Variants in POPDC3 observed in about 807,000 individuals in gnomAD.
POPDC3 encodes the protein popeye domain-containing protein 3.
POPDC3 carries 20 observed loss-of-function variants against 28.2 expected under a neutral mutation model. That is an observed-to-expected ratio of 0.71 (90% confidence interval 0.50 to 1.03). The LOEUF is 1.03. Among genes scored for constraint, POPDC3 ranks in the 50% least tolerant of loss-of-function variants. POPDC3 has a pLI of 0.00. For synonymous variants in POPDC3, 118 were observed against 124.1 expected, an observed-to-expected ratio of 0.95 and a Z score of 0.33; for missense variants, 316 against 345.9, an observed-to-expected ratio of 0.91 and a Z score of 0.69.
Position 105,161,440 on chromosome 6 carries a change from A to C in POPDC3, c.470T>G (p.Leu157Trp), listed in dbSNP as rs1265663117. ...AGGTACAAACCTTCCTGAAACAAGC[A>C]AGGAGAGTTTATCAATGGAAGTTTT... ...QGKTSIDKLS[L>W]LVSGRIRVTV... The change falls in exon 2 of 4, where the codon TTG becomes TGG. Residue 157 changes from leucine (L) to tryptophan (W), a missense_variant. By Grantham distance (61) the Leu-to-Trp change is moderately conservative (BLOSUM62 -2). Coordinates refer to ENST00000254765, the MANE Select transcript of POPDC3 (RefSeq NM_022361.5). 1 of 1,613,230 alleles carries C rather than the reference A, an allele frequency of 6.2e-7. No homozygotes were observed. The highest frequency in any genetic ancestry group is 8.5e-7 in the Non-Finnish European group (1 of 1,179,518).
intron 2 of POPDC3, among the ~76,000 whole-genome samples, chr6:105,160,909 G>A (rs548789921): frequency 1.6e-4 from 24 of 152,148 alleles, no homozygotes; most frequent in East Asian, 3.9e-4. Flanking sequence ...GTTAGCCACC[G>A]CACCTGGCCT....
chr6:105,178,559 T>TGAAG (rs138197860), intron 1 of POPDC3: 25 of 147,948 alleles, frequency 1.7e-4, no homozygotes, highest in African/African-American at 8.3e-4. Flanking sequence ...CCCAAACTCC[T>TGAAG]GAAGACACAC....
At position 105,162,057 on chromosome 6, in the gene POPDC3, G is replaced by A; in HGVS notation, c.-148C>T. Reference sequence around the variant, plus strand: ...ACACTGGAGTTGATGCTGATTAAAGGCTTCGTGTGTACGGATCTTGAAAAA... The same window carrying A: ...ACACTGGAGTTGATGCTGATTAAAGACTTCGTGTGTACGGATCTTGAAAAA... On this transcript the variant is annotated 5_prime_UTR_variant, in exon 2 of 4. Coordinates refer to ENST00000254765, the MANE Select transcript of POPDC3 (RefSeq NM_022361.5). 26 of 1,468,782 alleles carry A rather than the reference G, an allele frequency of 1.8e-5. No homozygotes were observed. The South Asian group carries it at 3.2e-4, about 18-fold the overall frequency. The allele number at this position is 1,468,782 out of a possible 1,614,324, so 91.0% of individuals were successfully genotyped here.
chr6:105,160,623 C>T (rs968465680), intron 2 of POPDC3, among the ~76,000 whole-genome samples: 2 of 152,108 alleles, frequency 1.3e-5, no homozygotes, highest in Non-Finnish European at 2.9e-5. Flanking sequence ...GATAGAGTCT[C>T]GTTCTGTTGC....
intron 3 of POPDC3, chr6:105,159,107 C>T: frequency 5.4e-6 from 1 of 184,592 alleles, no homozygotes; most frequent in Non-Finnish European, 1.1e-5. Context: ...GACATTTAAC[C>T]CTAATGCAGT....
chr6:105,178,592 AC>A (rs1774724682), intron 1 of POPDC3: 1 of 196,052 alleles, frequency 5.1e-6, no homozygotes, highest in African/African-American at 2.4e-5. Flanking sequence ...ACACACACAC[AC>A]ACACACACAC....
chr6:105,166,190 A>G (rs1774451581), intron 1 of POPDC3, among the ~76,000 whole-genome samples: 1 of 152,322 alleles, frequency 6.6e-6, no homozygotes, highest in South Asian at 2.1e-4. Context: ...GGACAACATC[A>G]TAAGAGCTCT....
rs1441565450 is a variant in POPDC3, at chr6:105,158,722, T to C, written c.624A>G (p.Arg208=). Residue 208 remains arginine (R), a synonymous_variant, in exon 4 of 4, where the codon CGA becomes CGG. Coordinates refer to ENST00000254765, the MANE Select transcript of POPDC3 (RefSeq NM_022361.5). ...ATTTCTTTCTCCTCCAAGACACATA[T>C]CGACAATCAGTTTCTGCAGTGAGGG... ...QVTLTAETDC[R]YVSWRRKKLY... is the part of the protein sequence containing the mutation. 3.7e-6 allele frequency: 6 copies of C among 1,613,224 alleles called. No homozygotes were observed. In the East Asian group the frequency reaches 1.1e-4, roughly 30 times the overall value.
chr6:105,170,215 A>G (rs914013766), intron 1 of POPDC3, among the ~76,000 whole-genome samples: 2 of 152,202 alleles, frequency 1.3e-5, no homozygotes, highest in African/African-American at 4.8e-5. Flanking sequence ...TTAAAGGCAT[A>G]AGCAGGAAGC....
chr6:105,173,066 T>G (rs1774612168), intron 1 of POPDC3, among the ~76,000 whole-genome samples: 1 of 152,218 alleles, frequency 6.6e-6, no homozygotes, highest in East Asian at 1.9e-4. Context: ...TACTAAATTT[T>G]AAAGAAATGC....
At chr6:105,166,670 C>T (rs934731905) in intron 1 of POPDC3, 9 of 470,950 alleles carry the variant, frequency 1.9e-5, no homozygotes, top group African/African-American at 1.4e-4. Flanking sequence ...TTGCAGCAGC[C>T]TTCCCTGACC....
chr6:105,162,783 C>T (rs1774369458), intron 1 of POPDC3, among the ~76,000 whole-genome samples: 1 of 152,156 alleles, frequency 6.6e-6, no homozygotes, highest in South Asian at 2.1e-4. Flanking sequence ...GATACATGAA[C>T]CAGAATCATT....
chr6:105,179,741 C>G (rs1037648837), intron 1 of POPDC3, 92 bp downstream of exon 1: 1 of 152,220 alleles, frequency 6.6e-6, no homozygotes, highest in African/African-American at 2.4e-5. Flanking sequence ...AGAAGCCGCG[C>G]CCGCTAAGTT....
intron 1 of POPDC3, chr6:105,169,624 C>CT (rs1582995383): frequency 6.6e-6 from 1 of 152,152 alleles, no homozygotes; most frequent in Non-Finnish European, 1.5e-5. Flanking sequence ...AGAATTAACT[C>CT]TATTTCTTCA....
intron 1 of POPDC3, chr6:105,168,620 C>T (rs1425553992): frequency 1.3e-5 from 2 of 152,250 alleles, no homozygotes; most frequent in East Asian, 1.9e-4. Context: ...ATCATTCCCT[C>T]TCCTTCAGTG....
At chr6:105,163,532 A>G (rs936897633) in intron 1 of POPDC3, 1 of 152,220 alleles carries the variant, frequency 6.6e-6, no homozygotes, top group African/African-American at 2.4e-5. Flanking sequence ...TTAGTGTTTT[A>G]TTTTTGAAAT....
chr6:105,166,616 T>C (rs1290773197), intron 1 of POPDC3: 6 of 471,188 alleles, frequency 1.3e-5, no homozygotes, highest in South Asian at 9.3e-5. Flanking sequence ...ACGTTTTCCT[T>C]CCGTACACTC....
rs1340799348 is a variant in POPDC3 at position 105,172,265 on chromosome 6, C to CA, written c.-252+7567dup. On this transcript the variant is annotated intron_variant, in intron 1 of 3. Transcript: ENST00000254765. Reference sequence around the variant, plus strand: ...TCTCAAAAGAAGACATTTATGCAGCCAAAAAACACATGAAAAAATGCTCAT... The same window carrying CA: ...TCTCAAAAGAAGACATTTATGCAGCCAAAAAAACACATGAAAAAATGCTCAT... Among the ~76,000 whole-genome samples, 88 of 151,158 alleles carry CA rather than the reference C, an allele frequency of 5.8e-4. 4 individuals are homozygous for CA. Among genetic ancestry groups the CA allele is most frequent in the African/African-American group, 2.1e-3 (87 of 40,938 alleles).
chr6:105,170,980 G>C (rs539584131), intron 1 of POPDC3, among the ~76,000 whole-genome samples: 4 of 152,280 alleles, frequency 2.6e-5, no homozygotes, highest in Admixed American at 2.0e-4. Flanking sequence ...AATAAAAACT[G>C]TGCTCTTTCT....
Sources: allele counts gnomAD v4.1 joint callset (sites outside exome capture counted in the v4.1 genomes callset), GRCh38; gene constraint gnomAD v4.1.1; transcripts MANE v1.5; gene names NCBI Gene and HGNC (gene_info 2026-07-23, HGNC 2026-07-21).